The following FLI1 variants were observed in gnomAD, a reference collection of about 807,000 sequenced individuals.
FLI1 encodes the protein Friend leukemia integration 1 transcription factor.
FLI1 carries 13 observed loss-of-function variants against 53.1 expected under a neutral mutation model. The observed-to-expected ratio is 0.24, with a 90% CI of 0.16 to 0.39. The LOEUF is 0.39. FLI1 is among the 10% of genes least tolerant of loss of function. The probability of loss-of-function intolerance (pLI) is 1.00; values close to 1 mark genes in which losing one functional copy is unlikely to be tolerated. For missense variants in FLI1, 424 were observed against 600.5 expected (o/e 0.71, Z 3.07); for synonymous variants, 244 against 236.7 (o/e 1.03, Z -0.28).
At chr11:128,757,034 C>A (rs979021135) in intron 1 of FLI1, among the ~76,000 whole-genome samples, 4 of 146,318 alleles carry the variant, frequency 2.7e-5, no homozygotes, top group African/African-American at 1.0e-4. Flanking sequence ...GCCACCATAT[C>A]TAGCTAATTT....
intron 1 of FLI1, among the ~76,000 whole-genome samples, chr11:128,729,762 G>C (rs1426360504): frequency 6.6e-6 from 1 of 152,214 alleles, no homozygotes; most frequent in East Asian, 1.9e-4. Flanking sequence ...TGAGAACCAG[G>C]CTGGAAGAGC....
At position 128,811,682 on chromosome 11, in the gene FLI1, A is replaced by T. The variant is rs1343973878; in HGVS notation, c.*694A>T. 4.8e-6 allele frequency: 1 copy of T among 206,212 alleles called. No homozygotes were observed. Among genetic ancestry groups the T allele is most frequent in the Non-Finnish European group, 9.9e-6 (1 of 100,868 alleles). The allele number at this position is 206,212 out of a possible 1,614,324, so 12.8% of individuals were successfully genotyped here. A position where few individuals can be genotyped will look rare whatever the true frequency, so the allele number is the denominator to read the frequency against. ...ATACATTCCTGAAAGACGGGGAATT[A>T]AATTACTAATTTTTTTTTTTTTTTA... On this transcript the variant is annotated 3_prime_UTR_variant, in exon 9 of 9. Transcript: ENST00000527786.
chr11:128,708,773 C>A (rs552411975), intron 1 of FLI1, among the ~76,000 whole-genome samples: 1 of 152,132 alleles, frequency 6.6e-6, no homozygotes, highest in Non-Finnish European at 1.5e-5. Flanking sequence ...GTAAATCATG[C>A]GGCATTTCAG....
chr11:128,778,807 G>GT (rs1312600666), intron 4 of FLI1, among the ~76,000 whole-genome samples: 1 of 152,220 alleles, frequency 6.6e-6, no homozygotes, highest in African/African-American at 2.4e-5. Flanking sequence ...CAAGGCAGGA[G>GT]AAAGCAGTCC....
intron 2 of FLI1, chr11:128,764,620 C>T (rs1565488240): frequency 6.5e-7 from 1 of 1,528,412 alleles, no homozygotes; most frequent in Non-Finnish European, 8.8e-7. Context: ...CACTCCCCCT[C>T]CCTCTTGTTT....
chr11:128,775,541 C>T (rs1029397856), intron 4 of FLI1, among the ~76,000 whole-genome samples: 4 of 152,152 alleles, frequency 2.6e-5, no homozygotes, highest in Non-Finnish European at 4.4e-5. Flanking sequence ...CTGCTAAGCG[C>T]CTGCAGGAGG....
chr11:128,731,588 G>T (rs1010432886), intron 1 of FLI1, among the ~76,000 whole-genome samples: 1 of 152,012 alleles, frequency 6.6e-6, no homozygotes, highest in Middle Eastern at 3.2e-3. Flanking sequence ...CTTCCTGAGT[G>T]AACTTGCATG....
chr11:128,723,035 C>T (rs1193082751), intron 1 of FLI1, among the ~76,000 whole-genome samples: 1 of 152,152 alleles, frequency 6.6e-6, no homozygotes, highest in Non-Finnish European at 1.5e-5. Flanking sequence ...CACTGTGTAT[C>T]TGCGTGGTAG....
chr11:128,717,825 G>A (rs188601251), intron 1 of FLI1, among the ~76,000 whole-genome samples: 1 of 152,322 alleles, frequency 6.6e-6, no homozygotes, highest in African/African-American at 2.4e-5. Flanking sequence ...TACCTCTCCT[G>A]GACTGTTGCA....
At chr11:128,717,104 C>T (rs1483757860) in intron 1 of FLI1, among the ~76,000 whole-genome samples, 1 of 152,040 alleles carries the variant, frequency 6.6e-6, no homozygotes, top group African/African-American at 2.4e-5. Context: ...TTCCGGGGCA[C>T]ACGCTGCTCT....
chr11:128,739,093 T>C (rs1315851959), intron 1 of FLI1, among the ~76,000 whole-genome samples: 1 of 152,178 alleles, frequency 6.6e-6, no homozygotes, highest in Admixed American at 6.5e-5. Flanking sequence ...TCAGCACTTA[T>C]CTCCTGCAAA....
chr11:128,792,775 AG>A (rs1291345229), intron 5 of FLI1, among the ~76,000 whole-genome samples: 1 of 152,220 alleles, frequency 6.6e-6, no homozygotes, highest in Non-Finnish European at 1.5e-5. Flanking sequence ...TAGAAAACAA[AG>A]TATTATATTG....
intron 2 of FLI1, among the ~76,000 whole-genome samples, chr11:128,759,159 C>A (rs2135812432): frequency 6.6e-6 from 1 of 152,328 alleles, no homozygotes; most frequent in East Asian, 1.9e-4. Flanking sequence ...TGAGCAAAGA[C>A]TTGAAAGACA....
intron 1 of FLI1, chr11:128,748,363 TC>T: frequency 1.6e-6 from 1 of 624,952 alleles, no homozygotes; most frequent in Non-Finnish European, 2.0e-6. Flanking sequence ...TCAGCCGGGG[TC>T]CAGGCACGGT....
chr11:128,697,594 G>A (rs773011622), intron 1 of FLI1, among the ~76,000 whole-genome samples: 1 of 152,114 alleles, frequency 6.6e-6, no homozygotes, highest in Non-Finnish European at 1.5e-5. Flanking sequence ...AGAAAATGGG[G>A]CCAAAGCACC....
intron 7 of FLI1, among the ~76,000 whole-genome samples, chr11:128,807,453 G>A (rs116516236): frequency 0.014 from 2,106 of 152,354 alleles, 40 homozygotes; most frequent in African/African-American, 0.047. Flanking sequence ...GAAAGAACTT[G>A]AAGATGAACT....
intron 2 of FLI1, among the ~76,000 whole-genome samples, chr11:128,763,211 C>A (rs974605286): frequency 6.6e-6 from 1 of 152,184 alleles, no homozygotes; most frequent in Admixed American, 6.5e-5. Flanking sequence ...GTAGCAAACC[C>A]TCTGGCCCAG....
chr11:128,785,876 A>G (rs1352485014), intron 5 of FLI1, among the ~76,000 whole-genome samples: 15 of 152,182 alleles, frequency 9.9e-5, no homozygotes, highest in Admixed American at 9.8e-4. Context: ...AATGGGTAAG[A>G]GTTTCAATTT....
At chr11:128,708,622 C>T (rs1938655971) in intron 1 of FLI1, among the ~76,000 whole-genome samples, 1 of 152,144 alleles carries the variant, frequency 6.6e-6, no homozygotes, top group East Asian at 1.9e-4. Context: ...TGATCCTCTT[C>T]TTCCATGGAT....
Sources: allele counts gnomAD v4.1 joint callset (sites outside exome capture counted in the v4.1 genomes callset), GRCh38; gene constraint gnomAD v4.1.1; transcripts MANE v1.5; gene names NCBI Gene and HGNC (gene_info 2026-07-23, HGNC 2026-07-21).